The following STARD3 variants were observed in gnomAD, a reference collection of about 807,000 sequenced individuals.
STARD3 encodes stAR-related lipid transfer protein 3.
In STARD3, 39 loss-of-function variants were observed where a neutral mutation model predicts 62.0. The ratio of observed to expected loss-of-function variants is 0.63; its 90% CI spans 0.49 to 0.82. STARD3 has a LOEUF of 0.82. STARD3 is among the 40% of genes least tolerant of loss of function. STARD3 has a pLI of 0.00. For synonymous variants in STARD3, 229 were observed against 242.4 expected (o/e 0.94, Z 0.51); for missense variants, 543 against 584.5 (o/e 0.93, Z 0.73).
intron 14 of STARD3, 79 bp downstream of exon 14, chr17:39,662,423 T>C (rs552059590): frequency 8.6e-6 from 12 of 1,401,484 alleles, no homozygotes; most frequent in South Asian, 1.2e-5. Context: ...TGCATGACTT[T>C]GGGGGCTCTC....
intron 1 of STARD3, among the ~76,000 whole-genome samples, chr17:39,648,688 C>G (rs1464631817): frequency 6.6e-6 from 1 of 152,186 alleles, no homozygotes; most frequent in Non-Finnish European, 1.5e-5. Context: ...AACCCCCTTT[C>G]TTTGACTCTT....
Position 39,657,083 on chromosome 17 carries a change from T to C in STARD3, c.295T>C (p.Phe99Leu). Residue 99 changes from phenylalanine (F) to leucine (L), a missense_variant and splice_region_variant, in exon 3 of 15, where the codon TTT becomes CTT. Coordinates refer to ENST00000336308, the MANE Select transcript of STARD3 (RefSeq NM_006804.4). Reference sequence around the variant, plus strand: ...CTTTAAAACTTCCTTCTTCGACATCTTTGTGAGTGGCCTTGGCTGATCCTG... The same window carrying C: ...CTTTAAAACTTCCTTCTTCGACATCCTTGTGAGTGGCCTTGGCTGATCCTG... The part of the protein sequence containing the change: ...YNFKTSFFDI[F>L]VLAFFRFSGL... 1.2e-6 allele frequency: 2 copies of C among 1,613,982 alleles called. No individual in the cohort carries two copies. The highest frequency in any genetic ancestry group is 1.7e-6 in the Non-Finnish European group (2 of 1,179,968).
chr17:39,644,414 C>T (rs943970526), intron 1 of STARD3, among the ~76,000 whole-genome samples: 2 of 152,060 alleles, frequency 1.3e-5, no homozygotes, highest in Non-Finnish European at 2.9e-5. Context: ...AGGCACTGTC[C>T]TAGGCACGCT....
intron 13 of STARD3, 73 bp downstream of exon 13, chr17:39,661,158 C>T: frequency 7.2e-7 from 1 of 1,395,200 alleles, no homozygotes; most frequent in Non-Finnish European, 1.0e-6. Context: ...CAGGGTACAG[C>T]ATGTACAGCT....
At chr17:39,643,162 C>G (rs1212774476) in intron 1 of STARD3, among the ~76,000 whole-genome samples, 1 of 152,026 alleles carries the variant, frequency 6.6e-6, no homozygotes, top group Non-Finnish European at 1.5e-5. Flanking sequence ...GAGCAGTGGG[C>G]AGATACTGGC....
chr17:39,658,108 G>A (rs1452391374), intron 5 of STARD3, 82 bp downstream of exon 5: 2 of 1,452,838 alleles, frequency 1.4e-6, no homozygotes, highest in African/African-American at 2.8e-5. Context: ...TCTCTAATTT[G>A]GGGTGTCTGT....
intron 8 of STARD3, 60 bp from the exon 9 acceptor site, chr17:39,659,401 A>G: frequency 7.2e-6 from 11 of 1,529,840 alleles, no homozygotes; most frequent in Non-Finnish European, 9.9e-6. Flanking sequence ...AGAACAGGCC[A>G]CGAACATGGT....
In STARD3 at chr17:39,663,283, T is replaced by C. The variant is rs982815361; in HGVS notation, c.*375T>C. The stretch of plus-strand genomic sequence containing the variant: ...GTCACCCGTGTGAAGATGAAGGGGC[T>C]CTTCATCTGCCTGCGCTCTCGTCGG... On this transcript the variant is annotated 3_prime_UTR_variant, in exon 15 of 15. Coordinates refer to ENST00000336308, the MANE Select transcript of STARD3 (RefSeq NM_006804.4). 5.1e-6 allele frequency: 2 copies of C among 395,322 alleles called. No homozygotes were observed. Among genetic ancestry groups the C allele is most frequent in the African/African-American group, 4.1e-5 (2 of 48,506 alleles). 24.5% of individuals were successfully genotyped at this position (395,322 alleles called of 1,614,324 possible).
intron 1 of STARD3, among the ~76,000 whole-genome samples, chr17:39,645,244 C>T (rs544860700): frequency 1.1e-4 from 16 of 152,282 alleles, no homozygotes; most frequent in Middle Eastern, 3.4e-3. Context: ...ACTTCCTGCC[C>T]CTCCCCCAAC....
intron 2 of STARD3, among the ~76,000 whole-genome samples, chr17:39,656,683 C>A (rs1253727098): frequency 6.6e-6 from 1 of 152,132 alleles, no homozygotes; most frequent in African/African-American, 2.4e-5. Flanking sequence ...TTTCGGCGCC[C>A]TTCTGCTGGC....
At position 39,657,810 on chromosome 17, in the gene STARD3, A is replaced by C; in HGVS notation, c.333A>C (p.Leu111=). ...LAFFRFSGLL[L]GYAVLRLRHW... ...TCTTCCGCTTCTCTGGACTGCTCCTAGGCTATGCCGTGCTGCGGCTCCGGC... is the reference window on the plus strand; with the variant it reads ...TCTTCCGCTTCTCTGGACTGCTCCTCGGCTATGCCGTGCTGCGGCTCCGGC... The change falls in exon 4 of 15, where the codon CTA becomes CTC. Residue 111 remains leucine (L), a synonymous_variant. Transcript: ENST00000336308. The C allele has an allele frequency of 6.2e-7, 1 of 1,614,136 alleles. No individual in the cohort carries two copies. The highest frequency in any genetic ancestry group is 8.5e-7 in the Non-Finnish European group (1 of 1,180,012).
At position 39,660,518 on chromosome 17, in the gene STARD3, G is replaced by A. The variant is rs1340872458; in HGVS notation, c.946G>A (p.Ala316Thr). The change falls in exon 11 of 15, where the codon GCC (alanine) becomes ACC (threonine). Residue 316 changes from alanine (A) to threonine (T), a missense_variant. Transcript: ENST00000336308. This position sits in a 1 kb window ranked among gnomAD's most constrained non-coding sequence, Gnocchi z 4.8. ...GGTGCTGTGGAACAAGACAGTGACT[G>A]CCTGCCAGGTGAGCCCAGTCTGGCT... ...RMVLWNKTVT[A>T]CQILQRVEDN... 3 of 1,613,918 alleles carry A rather than the reference G, an allele frequency of 1.9e-6. No individual in the cohort carries two copies. The highest frequency in any genetic ancestry group is 3.3e-5 in the Admixed American group (2 of 60,026).
At chr17:39,641,158 C>T (rs1239494014) in intron 1 of STARD3, among the ~76,000 whole-genome samples, 2 of 152,218 alleles carry the variant, frequency 1.3e-5, no homozygotes, top group Non-Finnish European at 2.9e-5. Flanking sequence ...GATTGATGTC[C>T]AACCCCAAAC....
chr17:39,652,182 G>A (rs1249813411), intron 1 of STARD3, among the ~76,000 whole-genome samples: 1 of 152,182 alleles, frequency 6.6e-6, no homozygotes, highest in Non-Finnish European at 1.5e-5. Context: ...AGAGCACTGG[G>A]CTGGCCTCCA....
chr17:39,657,393 G>A (rs1452795519), intron 3 of STARD3, among the ~76,000 whole-genome samples: 2 of 152,106 alleles, frequency 1.3e-5, no homozygotes, highest in Non-Finnish European at 2.9e-5. Context: ...TGAGCATGGT[G>A]GTTCGCACCC....
chr17:39,663,379 G>A lies in STARD3; in HGVS notation c.*471G>A. 3.6e-6 allele frequency: 1 copy of A among 279,008 alleles called. No homozygotes were observed. 17.3% of individuals were successfully genotyped at this position (279,008 alleles called of 1,614,324 possible). On this transcript the variant is annotated 3_prime_UTR_variant, in exon 15 of 15. Transcript: ENST00000336308. ...GGGTGGCAGGTGGGGGTGGGCTGCT[G>A]GCCATGAATCTCTGCCTCTCCCAGG...
In STARD3 at chr17:39,653,731, T is replaced by C; in HGVS notation, c.200T>C (p.Leu67Pro). ...VTFDLLFISL[L>P]WIIELNTNTG... ...TTCGACCTGCTCTTCATCTCCCTGC[T>C]CTGGATCATCGAACTGAATGTGAGT... Residue 67 changes from leucine (L) to proline (P), a missense_variant, in exon 2 of 15, where the codon CTC (leucine) becomes CCC (proline). Leu to Pro is a moderately conservative substitution (Grantham distance 98). Coordinates refer to ENST00000336308, the MANE Select transcript of STARD3 (RefSeq NM_006804.4). The C allele has an allele frequency of 1.9e-6, 3 of 1,614,094 alleles. No homozygotes were observed. Among genetic ancestry groups the C allele is most frequent in the Non-Finnish European group, 2.5e-6 (3 of 1,180,000 alleles).
intron 1 of STARD3, among the ~76,000 whole-genome samples, chr17:39,647,063 G>A (rs2057033007): frequency 6.6e-6 from 1 of 152,142 alleles, no homozygotes; most frequent in Admixed American, 6.5e-5. Context: ...GGCAGGCGTG[G>A]TGGCGGGCAC....
chr17:39,660,230 A>C lies in STARD3; in HGVS notation c.815A>C (p.Tyr272Ser). The C allele has an allele frequency of 1.2e-6, 2 of 1,614,054 alleles. No individual in the cohort carries two copies. The highest frequency in any genetic ancestry group is 1.6e-4 in the Middle Eastern group (1 of 6,062). The change falls in exon 10 of 15, where the codon TAC (tyrosine) becomes TCC (serine). Residue 272 changes from tyrosine (Y) to serine (S), a missense_variant. By Grantham distance (144) the Tyr-to-Ser change is moderately radical (BLOSUM62 -2). Transcript: ENST00000336308. The surrounding 1 kb of genome is among the most constrained non-coding windows in gnomAD (Gnocchi z 4.8). ...EKNNEYGDTV[Y>S]TIEVPFHGKT... ...CCATAGGAATATGGGGACACCGTGT[A>C]CACCATTGAAGTTCCCTTTCACGGC...
Sources: gnomAD v4.1 joint callset for allele counts (sites outside exome capture counted in the v4.1 genomes callset) on GRCh38, gnomAD v4.1.1 for gene constraint, Gnocchi (gnomAD v3.1) non-coding constraint, MANE v1.5 for transcripts, NCBI Gene and HGNC (gene_info 2026-07-23, HGNC 2026-07-21) for gene names.